Variants in PLA2G12A observed in about 807,000 individuals in gnomAD.
PLA2G12A encodes phospholipase A2 group XIIA.
A neutral mutation model predicts 16.0 loss-of-function variants in PLA2G12A; 11 were observed. The ratio of observed to expected loss-of-function variants is 0.69; its 90% confidence interval spans 0.43 to 1.13. The LOEUF (loss-of-function observed/expected upper bound fraction) is 1.13, where lower values mean the gene tolerates loss of function less well. Ranked by LOEUF, PLA2G12A falls within the 50% of genes most tolerant of loss-of-function variation. PLA2G12A has a pLI of 0.00. For missense variants in PLA2G12A, 214 were observed against 237.3 expected (o/e 0.90, Z 0.65); for synonymous variants, 77 against 93.8 (o/e 0.82, Z 1.03).
At chr4:109,723,643 G>A (rs1180942967) in intron 1 of PLA2G12A, among the ~76,000 whole-genome samples, 1 of 152,198 alleles carries the variant, frequency 6.6e-6, no homozygotes, top group African/African-American at 2.4e-5. Flanking sequence ...GCCCATTCTA[G>A]TTCCTCAAGC....
intron 1 of PLA2G12A, among the ~76,000 whole-genome samples, chr4:109,726,104 C>T (rs1381356187): frequency 6.6e-6 from 1 of 152,168 alleles, no homozygotes; most frequent in Non-Finnish European, 1.5e-5. Context: ...CTCATATCCT[C>T]TACCTGTGTT....
chr4:109,717,436 A>G (rs1730847366), intron 3 of PLA2G12A, 112 bp downstream of exon 3: 1 of 1,172,936 alleles, frequency 8.5e-7, no homozygotes, highest in East Asian at 2.4e-5. Flanking sequence ...TCTGTGTCAC[A>G]ATAGATAATA....
At chr4:109,729,578 C>T (rs1723006589) in intron 1 of PLA2G12A, 24 bp downstream of exon 1, 2 of 1,599,492 alleles carry the variant, frequency 1.3e-6, no homozygotes, top group South Asian at 2.2e-5. Flanking sequence ...CACGAGCCCT[C>T]GCTGGGCCCG....
At chr4:109,717,069 C>A (rs1284740447) in intron 3 of PLA2G12A, among the ~76,000 whole-genome samples, 3 of 152,182 alleles carry the variant, frequency 2.0e-5, no homozygotes, top group Non-Finnish European at 4.4e-5. Flanking sequence ...TAGAAGGCAT[C>A]TGCTACGAAC....
intron 1 of PLA2G12A, among the ~76,000 whole-genome samples, chr4:109,727,666 G>A (rs1322235367): frequency 6.6e-6 from 1 of 151,992 alleles, no homozygotes; most frequent in Non-Finnish European, 1.5e-5. Flanking sequence ...AGGTGTAGTG[G>A]GGGCATGGCC....
In PLA2G12A at chr4:109,711,053, C is replaced by CTTTTTTTTTTTTTTTTTTTTTTTTTCT. The variant is rs67674001; in HGVS notation, c.*3323_*3324insAGAAAAAAAAAAAAAAAAAAAAAAAAA. ...AGAGCTGCTGACAGTTAGTTCTTGC[C>CTTTTTTTTTTTTTTTTTTTTTTTTTCT]TTTTTTTTTTTTTTTTTTTTTTTGC... On this transcript the variant is annotated 3_prime_UTR_variant, in exon 4 of 4. Coordinates refer to ENST00000243501, the MANE Select transcript of PLA2G12A (RefSeq NM_030821.5). 1 of 57,240 alleles carries CTTTTTTTTTTTTTTTTTTTTTTTTTCT rather than the reference C, an allele frequency of 1.7e-5. No individual in the cohort carries two copies. The highest frequency in any genetic ancestry group is 8.4e-5 in the African/African-American group (1 of 11,900). The allele number at this position is 57,240 out of a possible 1,614,324, so 3.5% of individuals were successfully genotyped here. A position where few individuals can be genotyped will look rare whatever the true frequency, so the allele number is the denominator to read the frequency against.
chr4:109,722,514 C>T (rs1227918841), intron 1 of PLA2G12A, among the ~76,000 whole-genome samples: 1 of 152,230 alleles, frequency 6.6e-6, no homozygotes, highest in Non-Finnish European at 1.5e-5. Flanking sequence ...CTGCCCCATC[C>T]ATCACCATGT....
At chr4:109,714,588 C>G in intron 3 of PLA2G12A, 93 bp from the exon 4 acceptor site, 1 of 806,878 alleles carries the variant, frequency 1.2e-6, no homozygotes, top group Middle Eastern at 2.3e-4. Flanking sequence ...GCATATCCCT[C>G]GTGAGCACTG....
chr4:109,729,071 A>G (rs1722992279), intron 1 of PLA2G12A, among the ~76,000 whole-genome samples: 1 of 152,204 alleles, frequency 6.6e-6, no homozygotes, highest in Non-Finnish European at 1.5e-5. Flanking sequence ...AAGAAGAGTT[A>G]TCGGAACCCT....
At chr4:109,720,680 A>G (rs1436681422) in intron 1 of PLA2G12A, among the ~76,000 whole-genome samples, 6 of 148,482 alleles carry the variant, frequency 4.0e-5, no homozygotes, top group Non-Finnish European at 8.9e-5. Context: ...AGAGAAAAAA[A>G]TAAACGGTTT....
chr4:109,726,524 C>T (rs1722941203), intron 1 of PLA2G12A, among the ~76,000 whole-genome samples: 1 of 152,142 alleles, frequency 6.6e-6, no homozygotes, highest in Non-Finnish European at 1.5e-5. Flanking sequence ...TGTCTGGACT[C>T]CTGCATGCGT....
At chr4:109,717,516 C>T in intron 3 of PLA2G12A, 32 bp downstream of exon 3, 1 of 1,592,278 alleles carries the variant, frequency 6.3e-7, no homozygotes, top group South Asian at 1.1e-5. Flanking sequence ...TTAAAAAGTA[C>T]ACTCATCCCC....
At chr4:109,723,605 G>C (rs541981030) in intron 1 of PLA2G12A, among the ~76,000 whole-genome samples, 1 of 152,268 alleles carries the variant, frequency 6.6e-6, no homozygotes, top group East Asian at 1.9e-4. Context: ...CAGAAAAGGA[G>C]GCTGGATCAG....
chr4:109,727,929 C>T (rs552964085), intron 1 of PLA2G12A, among the ~76,000 whole-genome samples: 2 of 152,336 alleles, frequency 1.3e-5, no homozygotes, highest in East Asian at 1.9e-4. Context: ...TTTATGAAGA[C>T]GACTCCTTCC....
In PLA2G12A at chr4:109,718,666, T is replaced by C. The variant is rs199893712; in HGVS notation, c.285+17A>G. Reference sequence around the variant, plus strand: ...TTTACCAGTTACAAAACTTATCAAATAAAAGACAATATTTACATGAACACC... The same window carrying C: ...TTTACCAGTTACAAAACTTATCAAACAAAAGACAATATTTACATGAACACC... On this transcript the variant is annotated intron_variant, in intron 2 of 3. Transcript: ENST00000243501. 3.2e-5 allele frequency: 50 copies of C among 1,554,942 alleles called. No homozygotes were observed. The highest frequency in any genetic ancestry group is 9.7e-6 in the Non-Finnish European group (11 of 1,135,700).
chr4:109,723,730 C>A (rs983204076), intron 1 of PLA2G12A, among the ~76,000 whole-genome samples: 11 of 152,132 alleles, frequency 7.2e-5, no homozygotes, highest in African/African-American at 2.7e-4. Context: ...TCTAGAGATA[C>A]ACACTAAGAA....
At chr4:109,725,298 T>G (rs1722912107) in intron 1 of PLA2G12A, among the ~76,000 whole-genome samples, 6 of 152,238 alleles carry the variant, frequency 3.9e-5, no homozygotes, top group Admixed American at 3.9e-4. Flanking sequence ...ACCTTTAAAT[T>G]AAAATAGTTA....
At chr4:109,721,767 G>A (rs942612841) in intron 1 of PLA2G12A, among the ~76,000 whole-genome samples, 12 of 152,138 alleles carry the variant, frequency 7.9e-5, no homozygotes, top group African/African-American at 2.7e-4. Context: ...GCTGTTTTCA[G>A]TTAACAGTAA....
In PLA2G12A at chr4:109,729,932, A is replaced by C; in HGVS notation, c.-123T>G. Reference sequence around the variant, plus strand: ...CTTGGCAGCAGCCAGCTCCATATCCACGCCTCCTTCCCGGCTGGCCCTCAG... The same window carrying C: ...CTTGGCAGCAGCCAGCTCCATATCCCCGCCTCCTTCCCGGCTGGCCCTCAG... On this transcript the variant is annotated 5_prime_UTR_variant, in exon 1 of 4. Transcript: ENST00000243501. 1.3e-6 allele frequency: 1 copy of C among 762,610 alleles called. No homozygotes were observed. The allele number at this position is 762,610 out of a possible 1,614,324, so 47.2% of individuals were successfully genotyped here.
Sources: gnomAD v4.1 joint callset for allele counts (sites outside exome capture counted in the v4.1 genomes callset) on GRCh38, gnomAD v4.1.1 for gene constraint, MANE v1.5 for transcripts, NCBI Gene and HGNC (gene_info 2026-07-23, HGNC 2026-07-21) for gene names.